The following SLAMF1 variants were observed in gnomAD, a reference collection of about 807,000 sequenced individuals.
SLAMF1 encodes the protein signaling lymphocytic activation molecule.
A neutral mutation model predicts 35.1 loss-of-function variants in SLAMF1; 18 were observed. That is an observed-to-expected ratio of 0.51 (90% CI 0.35 to 0.76). SLAMF1 has a LOEUF of 0.76. Among genes scored for constraint, SLAMF1 ranks in the 30% least tolerant of loss-of-function variants. SLAMF1 has a pLI of 0.01. For synonymous variants in SLAMF1, 168 were observed against 157.2 expected (o/e 1.07, Z -0.51); for missense variants, 392 against 413.0 (o/e 0.95, Z 0.44).
chr1:160,609,455 G>A lies in SLAMF1; in HGVS notation c.*1293C>T, dbSNP rs1471207664. The A allele has an allele frequency of 6.6e-6, 1 of 152,214 alleles. No homozygotes were observed. Among genetic ancestry groups the A allele is most frequent in the Non-Finnish European group, 1.5e-5 (1 of 68,042 alleles). The allele number at this position is 152,214 out of a possible 1,614,324, so 9.4% of individuals were successfully genotyped here. A position where few individuals can be genotyped will look rare whatever the true frequency, so the allele number is the denominator to read the frequency against. ...AATGTGAATTGACCTCATAGAGGAG[G>A]TAAGATACAAGGCAATAAGGACCTG... On this transcript the variant is annotated 3_prime_UTR_variant, in exon 7 of 7. Transcript: ENST00000302035.
chr1:160,611,516 T>C (rs1394079), intron 6 of SLAMF1, among the ~76,000 whole-genome samples: 51,993 of 152,108 alleles, frequency 0.34, 11,267 homozygotes, highest in East Asian at 0.68. Context: ...GTGTGTGCGG[T>C]AGGAGCTTTG....
At chr1:160,627,951 G>A (rs1339790953) in intron 3 of SLAMF1, among the ~76,000 whole-genome samples, 2 of 152,172 alleles carry the variant, frequency 1.3e-5, no homozygotes, top group Non-Finnish European at 2.9e-5. Flanking sequence ...GAGTGAATAA[G>A]TCTCACAAGA....
rs753358562 is a variant in SLAMF1, at chr1:160,624,113, A to G, written c.773T>C (p.Leu258Pro). Residue 258 changes from leucine to proline, a missense_variant, in exon 4 of 7, where the codon CTA becomes CCA. Coordinates refer to ENST00000302035, the MANE Select transcript of SLAMF1 (RefSeq NM_003037.5). ...VIMILIMVVILQLRRRGKTNH... is the reference protein window; with the variant it reads ...VIMILIMVVIPQLRRRGKTNH... Reference sequence around the variant, plus strand: ...ACACCTACCTCTTCTTCTCAACTGTAGTATTACCACCATGATGAGAATCAT... The same window carrying G: ...ACACCTACCTCTTCTTCTCAACTGTGGTATTACCACCATGATGAGAATCAT... 1.9e-6 allele frequency: 3 copies of G among 1,604,326 alleles called. No individual in the cohort carries two copies. The highest frequency in any genetic ancestry group is 2.6e-6 in the Non-Finnish European group (3 of 1,173,464).
intron 2 of SLAMF1, 48 bp from the exon 3 acceptor site, chr1:160,634,945 G>T: frequency 2.0e-6 from 3 of 1,524,936 alleles, no homozygotes; most frequent in Non-Finnish European, 2.7e-6. Context: ...GAACCCCTGG[G>T]AATTCTCACT....
rs117090009 is a variant in SLAMF1, at chr1:160,628,687, G to C, written c.701-4502C>G. Among the ~76,000 whole-genome samples the C allele has an allele frequency of 2.8e-4, 42 of 152,264 alleles. No individual in the cohort carries two copies. In the East Asian group the frequency reaches 5.8e-3, roughly 21 times the overall value. The stretch of plus-strand genomic sequence containing the variant: ...CGATGAACTAAGTTAAATTAAATGA[G>C]AGTCCACAAAAATGGATCTAGAAAA... On this transcript the variant is annotated intron_variant, in intron 3 of 6. Transcript: ENST00000302035.
At chr1:160,612,861 C>T (rs1260099908) in intron 5 of SLAMF1, among the ~76,000 whole-genome samples, 2 of 152,186 alleles carry the variant, frequency 1.3e-5, no homozygotes, top group Non-Finnish European at 2.9e-5. Flanking sequence ...ATGTCTTCCT[C>T]ACAAGAAACT....
At chr1:160,621,855 CGTGTGTGTGTGTGTGT>C (rs59676823) in intron 4 of SLAMF1, among the ~76,000 whole-genome samples, 3 of 145,208 alleles carry the variant, frequency 2.1e-5, no homozygotes, top group Non-Finnish European at 4.5e-5. Context: ...TGCGTGAGTG[CGTGTGTGTGTGTGTGT>C]GTGTGTGTGT....
chr1:160,611,252 G>T (rs774734921), intron 6 of SLAMF1, among the ~76,000 whole-genome samples: 51 of 152,154 alleles, frequency 3.4e-4, no homozygotes, highest in African/African-American at 1.2e-3. Flanking sequence ...AGGGTTATGC[G>T]CAAAGATCTC....
intron 2 of SLAMF1, among the ~76,000 whole-genome samples, chr1:160,635,983 C>G (rs1380081549): frequency 1.3e-5 from 2 of 152,188 alleles, no homozygotes. Context: ...CTCACAGCTT[C>G]TAAGTGGCCA....
In SLAMF1 at chr1:160,608,652, T is replaced by A. The variant is rs1182550914; in HGVS notation, c.*2096A>T. On this transcript the variant is annotated 3_prime_UTR_variant, in exon 7 of 7. Coordinates refer to ENST00000302035, the MANE Select transcript of SLAMF1 (RefSeq NM_003037.5). ...CTTCTTCACCCTTTGTTTCTGCCCT[T>A]CCTTCAGGTAGAATTCAGCTACTGG... 6.6e-6 allele frequency: 1 copy of A among 152,218 alleles called. No individual in the cohort carries two copies. Among genetic ancestry groups the A allele is most frequent in the East Asian group, 1.9e-4 (1 of 5,196 alleles). The allele number at this position is 152,218 out of a possible 1,614,324, so 9.4% of individuals were successfully genotyped here.
chr1:160,611,331 T>C (rs935857141), intron 6 of SLAMF1, among the ~76,000 whole-genome samples: 1 of 152,230 alleles, frequency 6.6e-6, no homozygotes, highest in African/African-American at 2.4e-5. Flanking sequence ...TAGCATACTG[T>C]TTTTGTCCTT....
chr1:160,634,737 G>T lies in SLAMF1; in HGVS notation c.576C>A (p.His192Gln). 6.2e-7 allele frequency: 1 copy of T among 1,614,196 alleles called. No individual in the cohort carries two copies. Among genetic ancestry groups the T allele is most frequent in the African/African-American group, 1.3e-5 (1 of 75,050 alleles). ...GGGGGCCGAGGGTGAGGGACAGGAG[G>T]TGGGAGCTGTTGGCTGGGTTCAGTG... The part of the protein sequence containing the change: ...THPLNPANSS[H>Q]LLSLTLGPQH... Residue 192 changes from histidine (H) to glutamine (Q), a missense_variant, in exon 3 of 7, where the codon CAC becomes CAA. By Grantham distance (24) the His-to-Gln change is conservative. Coordinates refer to ENST00000302035, the MANE Select transcript of SLAMF1 (RefSeq NM_003037.5).
chr1:160,637,601 A>T, intron 1 of SLAMF1, 72 bp from the exon 2 acceptor site: 1 of 1,112,024 alleles, frequency 9.0e-7, no homozygotes, highest in Non-Finnish European at 1.3e-6. Context: ...CAGATCAGGA[A>T]GGACAGACTG....
At chr1:160,639,304 C>A (rs1660619926) in intron 1 of SLAMF1, among the ~76,000 whole-genome samples, 1 of 152,126 alleles carries the variant, frequency 6.6e-6, no homozygotes, top group South Asian at 2.1e-4. Context: ...CGGCTCACTG[C>A]AACCTCTGCC....
intron 3 of SLAMF1, among the ~76,000 whole-genome samples, chr1:160,628,623 C>T (rs781483627): frequency 1.9e-4 from 29 of 151,990 alleles, no homozygotes; most frequent in Non-Finnish European, 3.1e-4. Context: ...TCCATTCCAC[C>T]GGAAACAATA....
chr1:160,623,600 A>G (rs1456137500), intron 4 of SLAMF1: 2 of 398,838 alleles, frequency 5.0e-6, no homozygotes, highest in Non-Finnish European at 8.8e-6. Flanking sequence ...GGGGAGCACA[A>G]TGCCCTGAGA....
At chr1:160,615,971 T>C (rs11589086) in intron 5 of SLAMF1, among the ~76,000 whole-genome samples, 2,705 of 152,300 alleles carry the variant, frequency 0.018, 40 homozygotes, top group African/African-American at 0.033. Flanking sequence ...ATTTTGGACT[T>C]CTGACCTCCA....
chr1:160,619,229 C>T (rs968427256), intron 5 of SLAMF1, among the ~76,000 whole-genome samples: 23 of 152,152 alleles, frequency 1.5e-4, no homozygotes, highest in Non-Finnish European at 2.9e-5. Flanking sequence ...CTCAACTTCA[C>T]CATGCATCCA....
chr1:160,619,354 T>C (rs1386521564), intron 5 of SLAMF1, among the ~76,000 whole-genome samples: 1 of 152,186 alleles, frequency 6.6e-6, no homozygotes, highest in Non-Finnish European at 1.5e-5. Context: ...AGATCCTACC[T>C]TCCTTGTCAC....
Sources: gnomAD v4.1 joint callset for allele counts (sites outside exome capture counted in the v4.1 genomes callset) on GRCh38, gnomAD v4.1.1 for gene constraint, MANE v1.5 for transcripts, NCBI Gene and HGNC (gene_info 2026-07-23, HGNC 2026-07-21) for gene names.